ANKRD28: variants seen among roughly 807,000 people sequenced by gnomAD.
The protein encoded by ANKRD28 is ankyrin repeat domain 28.
Under a neutral mutation model 126.5 loss-of-function variants are expected in ANKRD28, and 44 were observed. The ratio of observed to expected loss-of-function variants is 0.35; its 90% CI spans 0.27 to 0.45. ANKRD28 has a LOEUF of 0.45. Ranked by LOEUF, ANKRD28 falls within the 20% of genes least tolerant of loss-of-function variation. The probability of loss-of-function intolerance (pLI) is 1.00; values close to 1 mark genes in which losing one functional copy is unlikely to be tolerated. For missense variants in ANKRD28, 1,110 were observed against 1,316.6 expected, an observed-to-expected ratio of 0.84 and a Z score of 2.43; for synonymous variants, 442 against 468.5, an observed-to-expected ratio of 0.94 and a Z score of 0.73.
chr3:15,706,631 T>C (rs1408763211), intron 14 of ANKRD28, among the ~76,000 whole-genome samples: 1 of 152,126 alleles, frequency 6.6e-6, no homozygotes, highest in Non-Finnish European at 1.5e-5. Context: ...GGTCAAATGG[T>C]ATTTCTAGTT....
chr3:15,743,304 A>G (rs1327843564), intron 4 of ANKRD28, among the ~76,000 whole-genome samples: 1 of 152,094 alleles, frequency 6.6e-6, no homozygotes, highest in Non-Finnish European at 1.5e-5. Flanking sequence ...CTATTGTCCT[A>G]TGACCCTGCC....
chr3:15,727,905 A>G (rs2074297189), intron 6 of ANKRD28, among the ~76,000 whole-genome samples: 1 of 152,218 alleles, frequency 6.6e-6, no homozygotes, highest in South Asian at 2.1e-4. Flanking sequence ...TGTTGAAATG[A>G]CAACAAAGCT....
intron 1 of ANKRD28, among the ~76,000 whole-genome samples, chr3:15,858,317 C>G (rs2061819134): frequency 6.6e-6 from 1 of 152,202 alleles, no homozygotes; most frequent in African/African-American, 2.4e-5. Context: ...TAACACCAGG[C>G]AAGACCATTC....
chr3:15,800,040 A>G (rs1317413900), upstream of ANKRD28, among the ~76,000 whole-genome samples: 1 of 152,112 alleles, frequency 6.6e-6, no homozygotes, highest in Non-Finnish European at 1.5e-5. Flanking sequence ...TTAAAATTTC[A>G]GAAGTTGACA....
chr3:15,764,952 A>T (rs1195828302), intron 3 of ANKRD28, among the ~76,000 whole-genome samples: 1 of 152,090 alleles, frequency 6.6e-6, no homozygotes, highest in African/African-American at 2.4e-5. Flanking sequence ...ACTGATTCTT[A>T]AATTTTTATG....
At chr3:15,784,268 T>C (rs1338288276) in intron 2 of ANKRD28, among the ~76,000 whole-genome samples, 1 of 151,920 alleles carries the variant, frequency 6.6e-6, no homozygotes, top group Non-Finnish European at 1.5e-5. Context: ...TAACAGACAA[T>C]AGTTTGTTCA....
At chr3:15,700,643 G>A (rs1177464735) in intron 14 of ANKRD28, among the ~76,000 whole-genome samples, 8 of 151,832 alleles carry the variant, frequency 5.3e-5, no homozygotes, top group Non-Finnish European at 1.0e-4. Flanking sequence ...GTGTGGTGGC[G>A]GGCGCCTGTA....
intron 2 of ANKRD28, among the ~76,000 whole-genome samples, chr3:15,771,648 C>A (rs1030408729): frequency 2.6e-5 from 4 of 152,116 alleles, no homozygotes; most frequent in Non-Finnish European, 5.9e-5. Context: ...AAAGGATCTG[C>A]CCCCATGATC....
chr3:15,810,684 G>C (rs979970237), intron 1 of ANKRD28, among the ~76,000 whole-genome samples: 4 of 147,178 alleles, frequency 2.7e-5, no homozygotes, highest in African/African-American at 1.0e-4. Flanking sequence ...GCAGGATTAT[G>C]AGTAATTTGT....
intron 12 of ANKRD28, among the ~76,000 whole-genome samples, 170 bp from the exon 13 acceptor site, chr3:15,709,906 T>C (rs1243152836): frequency 2.0e-5 from 3 of 152,194 alleles, no homozygotes; most frequent in Non-Finnish European, 2.9e-5. Flanking sequence ...ATCTAGAATT[T>C]AGAAAGTTAT....
intron 1 of ANKRD28, among the ~76,000 whole-genome samples, chr3:15,858,754 A>G (rs2061828913): frequency 1.3e-5 from 2 of 152,190 alleles, no homozygotes; most frequent in African/African-American, 2.4e-5. Context: ...TACAGTTGCG[A>G]TTTCGTTCCT....
At chr3:15,827,912 G>T (rs939805607) in intron 1 of ANKRD28, among the ~76,000 whole-genome samples, 1 of 151,998 alleles carries the variant, frequency 6.6e-6, no homozygotes, top group East Asian at 1.9e-4. Context: ...AATGGACAAG[G>T]GACTTGAATA....
chr3:15,711,671 G>A (rs934113096), intron 11 of ANKRD28, among the ~76,000 whole-genome samples: 1 of 151,952 alleles, frequency 6.6e-6, no homozygotes, highest in Admixed American at 6.6e-5. Context: ...TTCTTTAACA[G>A]GGGATGAAGA....
chr3:15,835,754 A>C (rs376617467), intron 1 of ANKRD28, among the ~76,000 whole-genome samples: 3 of 152,338 alleles, frequency 2.0e-5, no homozygotes, highest in East Asian at 3.9e-4. Context: ...TCCCCAATTG[A>C]GAAGATGGGA....
At chr3:15,725,143 T>TA (rs541714348) in intron 6 of ANKRD28, among the ~76,000 whole-genome samples, 172 of 152,144 alleles carry the variant, frequency 1.1e-3, no homozygotes, top group African/African-American at 4.0e-3. Context: ...TAAAAACAGT[T>TA]AAAAAAATTA....
upstream of ANKRD28, among the ~76,000 whole-genome samples, chr3:15,800,228 T>C (rs2060436744): frequency 6.6e-6 from 1 of 152,100 alleles, no homozygotes; most frequent in Non-Finnish European, 1.5e-5. Flanking sequence ...CAAAGATTTT[T>C]GTCTAAGAGA....
At chr3:15,850,224 T>TAGAGAGAGAGAGAGAGAGAGAGAGAG (rs375278547) in intron 1 of ANKRD28, among the ~76,000 whole-genome samples, 1 of 35,110 alleles carries the variant, frequency 2.8e-5, no homozygotes, top group Non-Finnish European at 6.0e-5. Flanking sequence ...TATATATATA[T>TAGAGAGAGAGAGAGAGAGAGAGAGAG]AGAGAGAGAG....
At chr3:15,740,010 CCAT>C (rs2075329550) in intron 4 of ANKRD28, among the ~76,000 whole-genome samples, 1 of 152,004 alleles carries the variant, frequency 6.6e-6, no homozygotes, top group South Asian at 2.1e-4. Context: ...ATGCAAATGT[CCAT>C]CAACAGAAAA....
chr3:15,702,385 G>A (rs2070745300), intron 14 of ANKRD28, among the ~76,000 whole-genome samples: 1 of 151,978 alleles, frequency 6.6e-6, no homozygotes. Flanking sequence ...TCTTTTTTCT[G>A]TTTGCACATT....
Sources: allele counts gnomAD v4.1 joint callset (sites outside exome capture counted in the v4.1 genomes callset), GRCh38; gene constraint gnomAD v4.1.1; transcripts MANE v1.5; gene names NCBI Gene and HGNC (gene_info 2026-07-23, HGNC 2026-07-21).